Variants in DNAH8 observed in about 807,000 individuals in gnomAD.
DNAH8 encodes dynein axonemal heavy chain 8.
In DNAH8, 382 loss-of-function variants were observed where a neutral mutation model predicts 562.1. That is an observed-to-expected ratio of 0.68 (90% CI 0.63 to 0.74). The LOEUF (loss-of-function observed/expected upper bound fraction) is 0.74, where lower values mean the gene tolerates loss of function less well. Among genes scored for constraint, DNAH8 ranks in the 30% least tolerant of loss-of-function variants. The pLI, the probability that DNAH8 is intolerant of heterozygous loss-of-function variation, is 0.00. For synonymous variants in DNAH8, 1,881 were observed against 1,919.4 expected (o/e 0.98, Z 0.52); for missense variants, 5,203 against 5,620.4 (o/e 0.93, Z 2.37).
intron 87 of DNAH8, among the ~76,000 whole-genome samples, chr6:38,989,152 T>C (rs576079377): frequency 6.6e-6 from 1 of 152,306 alleles, no homozygotes; most frequent in South Asian, 2.1e-4. Context: ...CTAGAGAACG[T>C]GTGACCAACC....
At position 38,806,951 on chromosome 6, in the gene DNAH8, G is replaced by A. The variant is rs191727663; in HGVS notation, c.3151-659G>A. On this transcript the variant is annotated intron_variant, in intron 23 of 92. Coordinates refer to ENST00000327475, the MANE Select transcript of DNAH8 (RefSeq NM_001206927.2). The stretch of plus-strand genomic sequence containing the variant: ...GCCTCACCAACCCAGTCTCAGAGGG[G>A]CCGGGTTCTAGAGCAGTGAGGAACA... Among the ~76,000 whole-genome samples, 22 of 152,180 alleles carry A rather than the reference G, an allele frequency of 1.4e-4. 2 individuals are homozygous for A. In the East Asian group the frequency reaches 3.5e-3, roughly 24 times the overall value.
intron 7 of DNAH8, among the ~76,000 whole-genome samples, chr6:38,738,859 T>G (rs989719389): frequency 2.0e-5 from 3 of 152,174 alleles, no homozygotes; most frequent in Non-Finnish European, 4.4e-5. Context: ...GGATAACTCT[T>G]GCAGCCACCG....
chr6:39,026,590 G>A lies in DNAH8; in HGVS notation c.13759G>A (p.Gly4587Ser), dbSNP rs757948242. Residue 4587 changes from glycine (G) to serine (S), a missense_variant, in exon 92 of 93, where the codon GGC becomes AGC. Gly to Ser is a moderately conservative substitution (Grantham distance 56). Around this residue, in one of 6 missense-constraint regions of DNAH8, gnomAD observed 1,399 missense variants for 1,518.4 expected, o/e 0.92. Coordinates refer to ENST00000327475, the MANE Select transcript of DNAH8 (RefSeq NM_001206927.2). ...MRQEVTRAHK[G>S]WALDTVTIHN... is the part of the protein sequence containing the mutation. ...GCAAGAAGTGACCCGTGCCCACAAA[G>A]GCTGGGCACTGGACACTGTGACCAT... is the stretch of plus-strand genomic sequence containing the variant. 1 of 1,613,044 alleles carries A rather than the reference G, an allele frequency of 6.2e-7. No individual in the cohort carries two copies. Among genetic ancestry groups the A allele is most frequent in the East Asian group, 2.2e-5 (1 of 44,870 alleles).
chr6:38,805,422 G>C (rs924857134), intron 22 of DNAH8, 59 bp from the exon 23 acceptor site: 1 of 1,054,330 alleles, frequency 9.5e-7, no homozygotes, highest in South Asian at 1.3e-5. Context: ...TGGCCATGTA[G>C]AATACAGACA....
Position 38,929,568 on chromosome 6 carries a change from G to C in DNAH8, c.11176G>C (p.Gly3726Arg), listed in dbSNP as rs373404358. 3 of 1,612,416 alleles carry C rather than the reference G, an allele frequency of 1.9e-6. No homozygotes were observed. The highest frequency in any genetic ancestry group is 2.5e-6 in the Non-Finnish European group (3 of 1,179,338). The change falls in exon 75 of 93, where the codon GGC (glycine) becomes CGC (arginine). Residue 3726 changes from glycine (G) to arginine (R), a missense_variant. Physicochemically the swap from Gly to Arg is moderately radical, Grantham distance 125 (BLOSUM62 -2). Coordinates refer to ENST00000327475, the MANE Select transcript of DNAH8 (RefSeq NM_001206927.2). ...ACACTTGGAGGACAGCCTTTCCTTG[G>C]GCCGACCCCTTCTCATTGAGGACAT... Reference protein sequence around the residue: ...RTHLEDSLSLGRPLLIEDIHE... With the variant: ...RTHLEDSLSLRRPLLIEDIHE...
At chr6:38,941,035 A>C (rs1280660482) in intron 79 of DNAH8, among the ~76,000 whole-genome samples, 1 of 151,746 alleles carries the variant, frequency 6.6e-6, no homozygotes, top group Admixed American at 6.6e-5. Context: ...CAGGAGAATC[A>C]CTTGAACCAG....
intron 53 of DNAH8, 81 bp from the exon 54 acceptor site, chr6:38,882,829 A>G: frequency 1.1e-6 from 1 of 924,726 alleles, no homozygotes; most frequent in Non-Finnish European, 1.5e-6. Flanking sequence ...TTGATTGTTT[A>G]TTGCACTTAA....
chr6:38,889,196 A>G (rs1779168149), intron 57 of DNAH8, among the ~76,000 whole-genome samples: 1 of 152,248 alleles, frequency 6.6e-6, no homozygotes, highest in Admixed American at 6.5e-5. Context: ...TGCAGCAGTG[A>G]AAATGAATGA....
chr6:38,740,450 G>A (rs1309568076), intron 7 of DNAH8, among the ~76,000 whole-genome samples: 3 of 152,064 alleles, frequency 2.0e-5, no homozygotes, highest in Admixed American at 6.6e-5. Context: ...TCTTATCACT[G>A]TTTTTCTTTG....
intron 14 of DNAH8, among the ~76,000 whole-genome samples, chr6:38,779,381 C>T (rs1252418705): frequency 6.6e-6 from 1 of 152,122 alleles, no homozygotes; most frequent in African/African-American, 2.4e-5. Context: ...TTCTCTCTGT[C>T]TCTCTCTTTC....
intron 50 of DNAH8, 32 bp downstream of exon 50, chr6:38,872,814 T>C (rs1777573874): frequency 6.2e-7 from 1 of 1,612,470 alleles, no homozygotes; most frequent in South Asian, 1.1e-5. Flanking sequence ...GATCATTTTT[T>C]CCCTGCTAGC....
chr6:38,715,946 A>ATTTTTTT (rs1200800954), intron 1 of DNAH8, among the ~76,000 whole-genome samples: 1 of 16,520 alleles, frequency 6.1e-5, no homozygotes, highest in African/African-American at 2.8e-4. Context: ...ATATATATAT[A>ATTTTTTT]TATATATATA....
Position 38,872,592 on chromosome 6 carries a change from T to C in DNAH8, c.7047T>C (p.Ser2349=). The change falls in exon 50 of 93, where the codon TCT becomes TCC. Residue 2349 remains serine, a synonymous_variant. Transcript: ENST00000327475. Reference sequence around the variant, plus strand: ...TGATGACTCTTGGGCCCAGTGGTTCTGGAAAGACAACCGTTATCACGATTC... The same window carrying C: ...TGATGACTCTTGGGCCCAGTGGTTCCGGAAAGACAACCGTTATCACGATTC... ...HGLMTLGPSG[S]GKTTVITILM... is the part of the protein sequence containing the mutation. 6.2e-7 allele frequency: 1 copy of C among 1,614,096 alleles called. No individual in the cohort carries two copies. The highest frequency in any genetic ancestry group is 8.5e-7 in the Non-Finnish European group (1 of 1,179,966).
rs368723394 is a variant in DNAH8, at chr6:38,762,199, C to T, written c.1617+396C>T. Among the ~76,000 whole-genome samples, 7 of 152,046 alleles carry T rather than the reference C, an allele frequency of 4.6e-5. No homozygotes were observed. The East Asian group carries it at 1.2e-3, about 25-fold the overall frequency. On this transcript the variant is annotated intron_variant, in intron 11 of 92. Transcript: ENST00000327475. ...TAGAAGACAATGTTTCTAACGTTTC[C>T]CCCATTTAGTTGGATGCTTTTGTAA...
intron 82 of DNAH8, among the ~76,000 whole-genome samples, chr6:38,951,985 T>C (rs1195132405): frequency 6.6e-6 from 1 of 152,164 alleles, no homozygotes; most frequent in African/African-American, 2.4e-5. Context: ...GTGTGCTAGA[T>C]CTGGGGAGCA....
intron 53 of DNAH8, among the ~76,000 whole-genome samples, chr6:38,878,011 G>C (rs1047214075): frequency 1.3e-5 from 2 of 152,218 alleles, no homozygotes; most frequent in Non-Finnish European, 1.5e-5. Flanking sequence ...TGAGAAGGCA[G>C]AGGTTGATTT....
At chr6:38,988,572 C>G (rs1265230790) in intron 87 of DNAH8, among the ~76,000 whole-genome samples, 1 of 152,212 alleles carries the variant, frequency 6.6e-6, no homozygotes, top group East Asian at 1.9e-4. Context: ...CTCTCCATTT[C>G]TTGAATTAAT....
chr6:38,837,520 T>A (rs542316414), intron 32 of DNAH8, among the ~76,000 whole-genome samples: 1 of 152,370 alleles, frequency 6.6e-6, no homozygotes, highest in East Asian at 1.9e-4. Context: ...TATAGACTCT[T>A]CATTGCATGT....
intron 79 of DNAH8, 30 bp from the exon 80 acceptor site, chr6:38,945,437 C>A: frequency 6.2e-7 from 1 of 1,612,628 alleles, no homozygotes; most frequent in Non-Finnish European, 8.5e-7. Flanking sequence ...CAGGCTTACC[C>A]AATTCACCCT....
Sources: allele counts gnomAD v4.1 joint callset (sites outside exome capture counted in the v4.1 genomes callset), GRCh38; gene constraint gnomAD v4.1.1; regional missense constraint gnomAD v4.1.1; transcripts MANE v1.5; gene names NCBI Gene and HGNC (gene_info 2026-07-23, HGNC 2026-07-21).